Variants in MAP2K5 observed in about 807,000 individuals in gnomAD.
MAP2K5 encodes the protein dual specificity mitogen-activated protein kinase kinase 5.
Under a neutral mutation model 83.1 loss-of-function variants are expected in MAP2K5, and 49 were observed. The ratio of observed to expected loss-of-function variants is 0.59; its 90% CI spans 0.47 to 0.75. The LOEUF is 0.75. MAP2K5 is among the 30% of genes least tolerant of loss of function. The pLI is 0.00. For missense variants in MAP2K5, 457 were observed against 557.5 expected (o/e 0.82, Z 1.82); for synonymous variants, 202 against 191.8 (o/e 1.05, Z -0.44).
In MAP2K5 at chr15:67,702,764, A is replaced by G. The variant is rs1043186480; in HGVS notation, c.973-573A>G. On this transcript the variant is annotated intron_variant, in intron 15 of 21. Transcript: ENST00000178640. The surrounding 1 kb of genome is among the most constrained non-coding windows in gnomAD (Gnocchi z 4.6). ...TTCATATACAAAGAAACTCTGATCA[A>G]TGGAATGAAATGTTGAACAGCAGAT... Among the ~76,000 whole-genome samples the G allele has an allele frequency of 5.9e-5, 9 of 152,362 alleles. No individual in the cohort carries two copies. The highest frequency in any genetic ancestry group is 4.1e-4 in the South Asian group (2 of 4,828).
intron 2 of MAP2K5, among the ~76,000 whole-genome samples, chr15:67,560,620 A>G (rs983786233): frequency 6.6e-6 from 1 of 152,238 alleles, no homozygotes; most frequent in African/African-American, 2.4e-5. Flanking sequence ...GTCAAAAGCT[A>G]TTCTAACCTT....
intron 17 of MAP2K5, among the ~76,000 whole-genome samples, chr15:67,743,382 G>A (rs771071948): frequency 6.6e-6 from 1 of 152,206 alleles, no homozygotes; most frequent in Non-Finnish European, 1.5e-5. Context: ...AGAGGCTGAT[G>A]AACAGGGGAG....
At chr15:67,586,413 ATAAT>A (rs1159482603) in intron 5 of MAP2K5, among the ~76,000 whole-genome samples, 2 of 152,186 alleles carry the variant, frequency 1.3e-5, no homozygotes, top group Non-Finnish European at 2.9e-5. Flanking sequence ...CAAATATTTC[ATAAT>A]TAATTATTTG....
intron 19 of MAP2K5, among the ~76,000 whole-genome samples, chr15:67,763,871 C>G (rs965503705): frequency 6.6e-6 from 1 of 152,120 alleles, no homozygotes; most frequent in Non-Finnish European, 1.5e-5. Context: ...TGCAGTGATC[C>G]AATAGAGCTT....
chr15:67,803,778 C>T (rs1424622362), intron 21 of MAP2K5, among the ~76,000 whole-genome samples: 1 of 152,206 alleles, frequency 6.6e-6, no homozygotes, highest in Non-Finnish European at 1.5e-5. Flanking sequence ...CTGGTTGCAC[C>T]TCTGGCTAGG....
chr15:67,649,810 T>C (rs2086911684), intron 11 of MAP2K5, among the ~76,000 whole-genome samples: 1 of 152,206 alleles, frequency 6.6e-6, no homozygotes, highest in Non-Finnish European at 1.5e-5. Flanking sequence ...CTTTTCAAGA[T>C]TGTTTTGGCC....
chr15:67,772,670 ACAGATAACATAAGGG>A (rs760121492), intron 20 of MAP2K5, 22 bp from the exon 21 acceptor site: 7 of 1,413,840 alleles, frequency 5.0e-6, no homozygotes, highest in Non-Finnish European at 6.7e-6. Context: ...TACAAATGAC[ACAGATAACATAAGGG>A]GTTTTTTTCT....
chr15:67,739,458 ATATATTTTTTTTTTTTTTTTTTTTTTTT>A (rs1566948110), intron 17 of MAP2K5, among the ~76,000 whole-genome samples: 5 of 18,968 alleles, frequency 2.6e-4, no homozygotes, highest in African/African-American at 1.1e-3. Flanking sequence ...ATATATATAT[ATATATTTTTTTTTTTTTTTTTTTTTTTT>A]TTTTTTTTTT....
intron 4 of MAP2K5, among the ~76,000 whole-genome samples, chr15:67,585,450 G>A (rs1158343412): frequency 2.0e-5 from 3 of 152,092 alleles, no homozygotes; most frequent in East Asian, 1.9e-4. Context: ...ATGTTCCATC[G>A]TAGAATCCCT....
intron 8 of MAP2K5, chr15:67,628,909 G>C: frequency 1.3e-6 from 1 of 751,622 alleles, no homozygotes; most frequent in Non-Finnish European, 2.4e-6. Context: ...GGCTATAATG[G>C]ATTTAGTAAT....
rs2084325523 is a variant in MAP2K5 at position 67,543,079 on chromosome 15, T to A, written c.-257T>A. ...TCCAGAACCTTCCGACCTCCGCTAG[T>A]TCCTGCGGGCCTTTGCCCGCTTCCC... On this transcript the variant is annotated 5_prime_UTR_variant, in exon 1 of 22. Coordinates refer to ENST00000178640, the MANE Select transcript of MAP2K5 (RefSeq NM_145160.3). This position sits in a 1 kb window ranked among gnomAD's most constrained non-coding sequence, Gnocchi z 4.3. 4 of 535,116 alleles carry A rather than the reference T, an allele frequency of 7.5e-6. No individual in the cohort carries two copies. The highest frequency in any genetic ancestry group is 1.3e-5 in the Non-Finnish European group (4 of 296,408). 33.1% of individuals were successfully genotyped at this position (535,116 alleles called of 1,614,324 possible).
intron 6 of MAP2K5, among the ~76,000 whole-genome samples, chr15:67,590,172 A>C (rs1044295814): frequency 5.9e-5 from 9 of 152,148 alleles, no homozygotes; most frequent in African/African-American, 1.9e-4. Flanking sequence ...AAAATCTAGG[A>C]AAATAGGGAC....
chr15:67,568,842 T>G (rs2084893938), intron 3 of MAP2K5, among the ~76,000 whole-genome samples: 2 of 151,518 alleles, frequency 1.3e-5, no homozygotes, highest in Non-Finnish European at 2.9e-5. Context: ...CCATTTCTAC[T>G]AAAAATACTA....
In MAP2K5 at chr15:67,760,585, G is replaced by A. The variant is rs1388385145; in HGVS notation, c.1135-9017G>A. The stretch of plus-strand genomic sequence containing the variant: ...GATTTAGTAAGTCAATTAGATTTGT[G>A]GGGATTTTTTAACCAGGAAAAATTC... On this transcript the variant is annotated intron_variant, in intron 19 of 21. Transcript: ENST00000178640. The surrounding 1 kb of genome is among the most constrained non-coding windows in gnomAD (Gnocchi z 4.1). 6.6e-6 allele frequency among the ~76,000 whole-genome samples: 1 copy of A among 152,090 alleles called. No individual in the cohort carries two copies.
intron 21 of MAP2K5, among the ~76,000 whole-genome samples, chr15:67,776,197 A>ACCCCAC (rs2090235474): frequency 6.9e-6 from 1 of 145,278 alleles, no homozygotes; most frequent in African/African-American, 2.5e-5. Context: ...GACAGGTAGA[A>ACCCCAC]CCCCACCCCC....
At chr15:67,611,989 G>A (rs1407548275) in intron 8 of MAP2K5, among the ~76,000 whole-genome samples, 1 of 151,618 alleles carries the variant, frequency 6.6e-6, no homozygotes, top group Admixed American at 6.6e-5. Context: ...TAACTGATTA[G>A]CTCAATGTCA....
chr15:67,725,221 A>G (rs1248685924), intron 16 of MAP2K5, among the ~76,000 whole-genome samples: 1 of 145,458 alleles, frequency 6.9e-6, no homozygotes, highest in Non-Finnish European at 1.5e-5. Context: ...GAGCAAACAA[A>G]TAACATCAGC....
intron 19 of MAP2K5, among the ~76,000 whole-genome samples, chr15:67,763,665 A>G (rs775997499): frequency 2.0e-5 from 3 of 151,816 alleles, no homozygotes; most frequent in Admixed American, 1.3e-4. Context: ...TTTTTAAACA[A>G]ACTCGATTTT....
At chr15:67,693,619 A>G in intron 15 of MAP2K5, 51 bp downstream of exon 15, 3 of 1,313,548 alleles carry the variant, frequency 2.3e-6, no homozygotes, top group Non-Finnish European at 3.3e-6. Context: ...CTTTATCTTT[A>G]TGTACTTGGT....
Sources: allele counts gnomAD v4.1 joint callset (sites outside exome capture counted in the v4.1 genomes callset), GRCh38; gene constraint gnomAD v4.1.1; non-coding constraint Gnocchi (gnomAD v3.1); transcripts MANE v1.5; gene names NCBI Gene and HGNC (gene_info 2026-07-23, HGNC 2026-07-21).